TSPAN18: variants seen among roughly 807,000 people sequenced by gnomAD.
The protein encoded by TSPAN18 is tetraspanin-18.
TSPAN18 carries 14 observed loss-of-function variants against 27.3 expected under a neutral mutation model. That is an observed-to-expected ratio of 0.51 (90% CI 0.34 to 0.80). TSPAN18 has a LOEUF of 0.80. Ranked by LOEUF, TSPAN18 falls within the 30% of genes least tolerant of loss-of-function variation. The pLI, the probability that TSPAN18 is intolerant of heterozygous loss-of-function variation, is 0.01. For missense variants in TSPAN18, 268 were observed against 323.9 expected (o/e 0.83, Z 1.32); for synonymous variants, 143 against 136.5 (o/e 1.05, Z -0.33).
chr11:44,742,860 C>A (rs1049518704), intron 1 of TSPAN18, among the ~76,000 whole-genome samples: 1 of 152,220 alleles, frequency 6.6e-6, no homozygotes, highest in Non-Finnish European at 1.5e-5. Flanking sequence ...TCTTATGGGC[C>A]CTGGCTGGGG....
chr11:44,818,147 G>T (rs1319648436), intron 2 of TSPAN18, among the ~76,000 whole-genome samples: 1 of 152,384 alleles, frequency 6.6e-6, no homozygotes, highest in East Asian at 1.9e-4. Context: ...CTGCAAGTCA[G>T]GATATCCCAC....
intron 3 of TSPAN18, among the ~76,000 whole-genome samples, chr11:44,903,058 A>T (rs1859320918): frequency 6.6e-6 from 1 of 152,060 alleles, no homozygotes; most frequent in Non-Finnish European, 1.5e-5. Context: ...CACAGCCACG[A>T]CTCTGCTCCT....
intron 2 of TSPAN18, chr11:44,859,692 C>T (rs1350698201): frequency 2.6e-5 from 4 of 152,374 alleles, no homozygotes; most frequent in Non-Finnish European, 5.9e-5. Context: ...ATGCAACAGG[C>T]TCCTGCTATG....
chr11:44,918,000 T>C lies in TSPAN18; in HGVS notation c.287T>C (p.Leu96Pro). The C allele has an allele frequency of 6.2e-7, 1 of 1,614,186 alleles. No individual in the cohort carries two copies. Among genetic ancestry groups the C allele is most frequent in the Non-Finnish European group, 8.5e-7 (1 of 1,180,030 alleles). ...FFFLFILIIF[L>P]AELSAAILAF... The stretch of plus-strand genomic sequence containing the variant: ...TTCCTGTTCATCCTGATCATCTTCC[T>C]GGCAGAGCTCTCAGCAGCCATCCTG... Residue 96 changes from leucine (L) to proline (P), a missense_variant, in exon 6 of 10, where the codon CTG becomes CCG. By Grantham distance (98) the Leu-to-Pro change is moderately conservative. Transcript: ENST00000520358.
At chr11:44,807,527 C>CAAAAAAAAAAAAAAA (rs59241339) in intron 2 of TSPAN18, among the ~76,000 whole-genome samples, 22 of 64,454 alleles carry the variant, frequency 3.4e-4, no homozygotes, top group Non-Finnish European at 4.3e-4. Context: ...AACTCCATCT[C>CAAAAAAAAAAAAAAA]AAAAAAAAAA....
At chr11:44,786,791 C>G (rs1192782034) in intron 2 of TSPAN18, among the ~76,000 whole-genome samples, 1 of 151,948 alleles carries the variant, frequency 6.6e-6, no homozygotes. Context: ...ACCACCATGC[C>G]CTGCTAAGTT....
intron 1 of TSPAN18, among the ~76,000 whole-genome samples, chr11:44,751,082 T>C (rs1454815492): frequency 6.6e-6 from 1 of 152,214 alleles, no homozygotes; most frequent in Non-Finnish European, 1.5e-5. Context: ...TGGGCAATAC[T>C]ATCAGAGCAG....
chr11:44,806,485 C>A (rs571871030), intron 2 of TSPAN18, among the ~76,000 whole-genome samples: 1 of 152,290 alleles, frequency 6.6e-6, no homozygotes, highest in East Asian at 1.9e-4. Context: ...TCCTAACAAG[C>A]CAACTTCAGC....
intron 2 of TSPAN18, among the ~76,000 whole-genome samples, chr11:44,852,166 C>T (rs1434180395): frequency 1.3e-5 from 2 of 152,198 alleles, no homozygotes; most frequent in Non-Finnish European, 2.9e-5. Context: ...GCTCTAGGCA[C>T]CAAGTTTCTG....
chr11:44,879,964 C>T (rs1224278537), intron 3 of TSPAN18, among the ~76,000 whole-genome samples: 1 of 152,242 alleles, frequency 6.6e-6, no homozygotes, highest in African/African-American at 2.4e-5. Context: ...GCTCTCTCTC[C>T]TCCAACTGGA....
chr11:44,760,763 C>T (rs774708298), intron 1 of TSPAN18, among the ~76,000 whole-genome samples: 1 of 152,200 alleles, frequency 6.6e-6, no homozygotes, highest in Non-Finnish European at 1.5e-5. Flanking sequence ...TTACTGCCAC[C>T]TATTAAGCTC....
At chr11:44,845,907 G>A (rs748333703) in intron 2 of TSPAN18, among the ~76,000 whole-genome samples, 4 of 152,214 alleles carry the variant, frequency 2.6e-5, no homozygotes, top group African/African-American at 7.2e-5. Flanking sequence ...AAGGCAGCAG[G>A]GAAAAATGGA....
intron 2 of TSPAN18, among the ~76,000 whole-genome samples, chr11:44,785,983 C>T (rs1162887295): frequency 6.6e-6 from 1 of 152,240 alleles, no homozygotes; most frequent in Non-Finnish European, 1.5e-5. Flanking sequence ...GCAGTCGTGC[C>T]TACCTGGGCC....
At chr11:44,904,063 C>T (rs1158881879) in intron 3 of TSPAN18, among the ~76,000 whole-genome samples, 2 of 152,188 alleles carry the variant, frequency 1.3e-5, no homozygotes, top group Non-Finnish European at 2.9e-5. Flanking sequence ...ATTACCCCAA[C>T]ACAATTTAAG....
chr11:44,750,045 T>C (rs752290105), intron 1 of TSPAN18, among the ~76,000 whole-genome samples: 1 of 152,172 alleles, frequency 6.6e-6, no homozygotes, highest in Non-Finnish European at 1.5e-5. Context: ...TGATATCTCC[T>C]AGGGAATCCT....
intron 2 of TSPAN18, among the ~76,000 whole-genome samples, chr11:44,836,038 C>T (rs922554192): frequency 1.3e-5 from 2 of 152,138 alleles, no homozygotes; most frequent in Non-Finnish European, 2.9e-5. Context: ...AACTACATAA[C>T]AATATTGAAA....
At chr11:44,841,356 A>C (rs1213219838) in intron 2 of TSPAN18, among the ~76,000 whole-genome samples, 5 of 152,146 alleles carry the variant, frequency 3.3e-5, no homozygotes, top group Non-Finnish European at 7.4e-5. Flanking sequence ...CATCTCTATT[A>C]AAAATACAAA....
chr11:44,911,820 G>A (rs1395774409), intron 5 of TSPAN18, among the ~76,000 whole-genome samples: 1 of 152,106 alleles, frequency 6.6e-6, no homozygotes, highest in African/African-American at 2.4e-5. Context: ...TGCGAGGCAG[G>A]ACTGAGGCCC....
rs993128381 is a variant in TSPAN18 at position 44,727,828 on chromosome 11, A to AC, written c.-240+547dup. On this transcript the variant is annotated intron_variant, in intron 1 of 9. Transcript: ENST00000520358. ...CGGAGGCGCCACTCGTTCCTCCAGGACCCCCCTTATTCCTTAGGTGTGTGC... is the reference window on the plus strand; with the variant it reads ...CGGAGGCGCCACTCGTTCCTCCAGGACCCCCCCTTATTCCTTAGGTGTGTGC... 3.2e-3 allele frequency among the ~76,000 whole-genome samples: 476 copies of AC among 149,048 alleles called. 2 individuals carry two copies. Among genetic ancestry groups the AC allele is most frequent in the Non-Finnish European group, 3.0e-3 (202 of 67,570 alleles).
Sources: gnomAD v4.1 joint callset for allele counts (sites outside exome capture counted in the v4.1 genomes callset) on GRCh38, gnomAD v4.1.1 for gene constraint, MANE v1.5 for transcripts, NCBI Gene and HGNC (gene_info 2026-07-23, HGNC 2026-07-21) for gene names.